The following ICAM2 variants were observed in gnomAD, a reference collection of about 807,000 sequenced individuals.
ICAM2 encodes the protein intercellular adhesion molecule 2.
Under a neutral mutation model 19.1 loss-of-function variants are expected in ICAM2, and 14 were observed. That is an observed-to-expected ratio of 0.73 (90% CI 0.48 to 1.15). ICAM2 has a LOEUF of 1.15. ICAM2 is among the 50% of genes most tolerant of loss of function. ICAM2 has a pLI of 0.00. For synonymous variants in ICAM2, 153 were observed against 152.7 expected, an observed-to-expected ratio of 1.00 and a Z score of -0.01; for missense variants, 311 against 355.4, an observed-to-expected ratio of 0.88 and a Z score of 1.00.
At chr17:64,003,161 G>A in intron 4 of ICAM2, 1 of 535,336 alleles carries the variant, frequency 1.9e-6, no homozygotes, top group Non-Finnish European at 3.4e-6. Context: ...GTGGCTGTGA[G>A]GGCAGATGTC....
chr17:64,007,622 C>G (rs951654017), intron 1 of ICAM2: 1 of 152,256 alleles, frequency 6.6e-6, no homozygotes, highest in East Asian at 1.9e-4. Flanking sequence ...CAACTTGAGG[C>G]CCAGAGCCTC....
At chr17:64,017,544 G>A (rs1401407314) in intron 1 of ICAM2, among the ~76,000 whole-genome samples, 1 of 152,184 alleles carries the variant, frequency 6.6e-6, no homozygotes, top group South Asian at 2.1e-4. Context: ...TATAGGGTCA[G>A]TGCAATTCCA....
rs192569320 is a variant in ICAM2, at chr17:64,012,788, T to C, written c.-44-6053A>G. Reference sequence around the variant, plus strand: ...GTGTGTAGGTTATACGAAAATGCTATGCAATTTTATATTAGGGACTTGAGC... The same window carrying C: ...GTGTGTAGGTTATACGAAAATGCTACGCAATTTTATATTAGGGACTTGAGC... On this transcript the variant is annotated intron_variant, in intron 1 of 4. Transcript: ENST00000579788. Among the ~76,000 whole-genome samples, 1,265 of 152,322 alleles carry C rather than the reference T, an allele frequency of 8.3e-3. 20 individuals carry two copies. The highest frequency in any genetic ancestry group is 0.029 in the African/African-American group (1,189 of 41,556).
intron 3 of ICAM2, chr17:64,004,730 C>CA: frequency 3.0e-6 from 1 of 336,588 alleles, no homozygotes; most frequent in East Asian, 6.7e-5. Flanking sequence ...CCCTGGGCGA[C>CA]ACTTCAACCT....
chr17:64,003,624 A>G lies in ICAM2; in HGVS notation c.649+20T>C. On this transcript the variant is annotated intron_variant, in intron 4 of 4. Coordinates refer to ENST00000579788, the MANE Select transcript of ICAM2 (RefSeq NM_001099789.2). ...AAAGTGACTTATCACTCCCAACTCC[A>G]TCCACGGATCCCCCCTCACCATAGA... 1 of 1,601,074 alleles carries G rather than the reference A, an allele frequency of 6.2e-7. No individual in the cohort carries two copies. The highest frequency in any genetic ancestry group is 8.5e-7 in the Non-Finnish European group (1 of 1,172,120).
intron 1 of ICAM2, 164 bp from the exon 2 acceptor site, chr17:64,006,899 C>T (rs1332176306): frequency 1.0e-5 from 6 of 594,754 alleles, no homozygotes; most frequent in Non-Finnish European, 1.5e-5. Context: ...GCAGAGGAAG[C>T]TGGGAAGCTG....
intron 1 of ICAM2, among the ~76,000 whole-genome samples, chr17:64,009,578 G>A (rs12602435): frequency 1.3e-5 from 2 of 152,118 alleles, no homozygotes; most frequent in African/African-American, 4.8e-5. Flanking sequence ...CTCCTGAGTA[G>A]CTAGGATTAC....
At chr17:64,004,883 A>T (rs1028007210) in intron 3 of ICAM2, 51 of 607,878 alleles carry the variant, frequency 8.4e-5, no homozygotes, top group Non-Finnish European at 1.5e-4. Flanking sequence ...TCCTCCCCTA[A>T]GCAAGACTCA....
chr17:64,019,582 G>A lies in ICAM2; in HGVS notation c.-45+941C>T, dbSNP rs184307712. ...TGTAATCCCAGCATTTTGGGAGGCCGAGGTGGGCGGATCATGAGGTCAAGA... is the reference window on the plus strand; with the variant it reads ...TGTAATCCCAGCATTTTGGGAGGCCAAGGTGGGCGGATCATGAGGTCAAGA... On this transcript the variant is annotated intron_variant, in intron 1 of 4. Transcript: ENST00000579788. Among the ~76,000 whole-genome samples, 10 of 152,188 alleles carry A rather than the reference G, an allele frequency of 6.6e-5. No individual in the cohort carries two copies. In the East Asian group the frequency reaches 1.2e-3, roughly 18 times the overall value.
At position 64,003,670 on chromosome 17, in the gene ICAM2, G is replaced by A. The variant is rs1172947965; in HGVS notation, c.623C>T (p.Ser208Leu). The part of the protein sequence containing the change: ...SRGGNIFHKH[S>L]APKMLEIYEP... ...ATAGATCTCCAACATCTTCGGGGCT[G>A]AGTGTTTGTGAAAGATGTTGCCACC... The change falls in exon 4 of 5, where the codon TCA becomes TTA. Residue 208 changes from serine (S) to leucine (L), a missense_variant. By Grantham distance (145) the Ser-to-Leu change is moderately radical. Coordinates refer to ENST00000579788, the MANE Select transcript of ICAM2 (RefSeq NM_001099789.2). 3 of 1,614,032 alleles carry A rather than the reference G, an allele frequency of 1.9e-6. No homozygotes were observed. In the Admixed American group the frequency reaches 5.0e-5, roughly 27 times the overall value.
intron 1 of ICAM2, among the ~76,000 whole-genome samples, chr17:64,012,859 C>T (rs1192733764): frequency 6.6e-6 from 1 of 152,090 alleles, no homozygotes; most frequent in Non-Finnish European, 1.5e-5. Context: ...AAACCAATCC[C>T]TCCATGTATA....
chr17:64,002,801 G>T lies in ICAM2; in HGVS notation c.774C>A (p.Gly258=). ...FGQHLRQQRM[G]TYGVRAAWRR... ...TCCAAGCCGCTCGCACCCCGTAGGT[G>T]CCCATCCGCTGCTGGCGCAAGTGCT... The change falls in exon 5 of 5, where the codon GGC becomes GGA. Residue 258 remains glycine, a synonymous_variant. Transcript: ENST00000579788. The T allele has an allele frequency of 6.2e-7, 1 of 1,613,666 alleles. No homozygotes were observed. Among genetic ancestry groups the T allele is most frequent in the Non-Finnish European group, 8.5e-7 (1 of 1,179,986 alleles).
chr17:64,003,568 G>A (rs1238216070), intron 4 of ICAM2, 76 bp downstream of exon 4: 1 of 1,353,670 alleles, frequency 7.4e-7, no homozygotes, highest in Non-Finnish European at 1.0e-6. Flanking sequence ...TCCCAAGTGG[G>A]ACTCAAGATT....
intron 1 of ICAM2, among the ~76,000 whole-genome samples, chr17:64,009,243 G>A (rs1911344670): frequency 6.6e-6 from 1 of 151,946 alleles, no homozygotes; most frequent in Non-Finnish European, 1.5e-5. Flanking sequence ...GAATGAGAGA[G>A]TTTGTCCTAA....
intron 1 of ICAM2, among the ~76,000 whole-genome samples, chr17:64,008,784 T>C (rs1010560109): frequency 6.6e-6 from 1 of 152,184 alleles, no homozygotes; most frequent in Non-Finnish European, 1.5e-5. Flanking sequence ...TGTGAGGGAC[T>C]GTGGGAAGGT....
chr17:64,006,587 C>T lies in ICAM2; in HGVS notation c.61+44G>A, dbSNP rs772569825. The T allele has an allele frequency of 4.5e-6, 7 of 1,571,354 alleles. No homozygotes were observed. The Admixed American group carries it at 5.0e-5, about 11-fold the overall frequency. ...AGGGAACAGGGCACCCCCACCCTCT[C>T]GGCTGGCATGTGCCAAATCAGGAAC... On this transcript the variant is annotated intron_variant, in intron 2 of 4. Transcript: ENST00000579788.
At chr17:64,003,009 C>A (rs1410136357) in intron 4 of ICAM2, 84 bp from the exon 5 acceptor site, 7 of 1,190,644 alleles carry the variant, frequency 5.9e-6, no homozygotes, top group Non-Finnish European at 8.3e-6. Context: ...CCACCCCCAA[C>A]CCAGACCCCC....
At position 64,012,961 on chromosome 17, in the gene ICAM2, A is replaced by T. The variant is rs1382111764; in HGVS notation, c.-44-6226T>A. The stretch of plus-strand genomic sequence containing the variant: ...TAGAGATAAAGTATATAAATTCTAA[A>T]CCACTAGAGAGGCTTAAAATTGTAT... On this transcript the variant is annotated intron_variant, in intron 1 of 4. Coordinates refer to ENST00000579788, the MANE Select transcript of ICAM2 (RefSeq NM_001099789.2). Among the ~76,000 whole-genome samples, 4 of 152,180 alleles carry T rather than the reference A, an allele frequency of 2.6e-5. No individual in the cohort carries two copies. The East Asian group carries it at 7.7e-4, about 29-fold the overall frequency.
intron 1 of ICAM2, among the ~76,000 whole-genome samples, chr17:64,010,540 G>GAA (rs58057567): frequency 0.035 from 5,060 of 144,530 alleles, 98 homozygotes; most frequent in Non-Finnish European, 0.051. Flanking sequence ...TTGTTTGAAA[G>GAA]AAAAAAAAAA....
Sources: allele counts gnomAD v4.1 joint callset (sites outside exome capture counted in the v4.1 genomes callset), GRCh38; gene constraint gnomAD v4.1.1; transcripts MANE v1.5; gene names NCBI Gene and HGNC (gene_info 2026-07-23, HGNC 2026-07-21).